The following TMEM217B variants were observed in gnomAD, a reference collection of about 807,000 sequenced individuals.
TMEM217B encodes transmembrane protein 217B.
At chr6:37,223,194 A>C in the TMEM217B span, among the ~76,000 whole-genome samples, 1 of 152,182 alleles carries the variant, frequency 6.6e-6, no homozygotes, top group African/African-American at 2.4e-5. Flanking sequence ...TGGGGGTAGC[A>C]TATTTACAGA....
chr6:37,227,749 T>C, the TMEM217B span, among the ~76,000 whole-genome samples: 2 of 151,914 alleles, frequency 1.3e-5, no homozygotes, highest in Non-Finnish European at 2.9e-5. Context: ...GCGCTCAGCC[T>C]AAATGTTTAT....
At chr6:37,252,633 A>ATTTT in the TMEM217B span, among the ~76,000 whole-genome samples, 6 of 75,258 alleles carry the variant, frequency 8.0e-5, no homozygotes, top group African/African-American at 2.8e-4. Context: ...ATATATATAT[A>ATTTT]TATATTTTTT....
At chr6:37,243,884 G>T in the TMEM217B span, among the ~76,000 whole-genome samples, 1 of 152,178 alleles carries the variant, frequency 6.6e-6, no homozygotes, top group African/African-American at 2.4e-5. Context: ...CTCTGGATGG[G>T]GGGGTGCACA....
chr6:37,228,235 A>G, the TMEM217B span, among the ~76,000 whole-genome samples: 1 of 152,320 alleles, frequency 6.6e-6, no homozygotes. Flanking sequence ...ATTTCAAAAA[A>G]GAAAAAAAAG....
chr6:37,215,669 G>A, the TMEM217B span, among the ~76,000 whole-genome samples: 6 of 151,068 alleles, frequency 4.0e-5, no homozygotes, highest in Non-Finnish European at 5.9e-5. Flanking sequence ...GCTCAGTGTT[G>A]TCAAGATGTA....
At chr6:37,241,290 C>T in the TMEM217B span, among the ~76,000 whole-genome samples, 1 of 151,396 alleles carries the variant, frequency 6.6e-6, no homozygotes, top group East Asian at 1.9e-4. Context: ...GTTGCCCAGG[C>T]TAAAGGTGTT....
the TMEM217B span, among the ~76,000 whole-genome samples, chr6:37,250,950 G>A: frequency 6.6e-6 from 1 of 152,296 alleles, no homozygotes; most frequent in East Asian, 1.9e-4. Flanking sequence ...GGTATTACGC[G>A]GTAAGGTATT....
the TMEM217B span, among the ~76,000 whole-genome samples, chr6:37,240,177 C>A: frequency 1.3e-5 from 2 of 152,218 alleles, no homozygotes; most frequent in East Asian, 1.9e-4. Context: ...AAACCTTAGA[C>A]ACTTATGATA....
the TMEM217B span, among the ~76,000 whole-genome samples, chr6:37,223,434 A>G: frequency 6.6e-6 from 1 of 152,244 alleles, no homozygotes; most frequent in Non-Finnish European, 1.5e-5. Context: ...CCATGGAATA[A>G]TATTTTAATT....
chr6:37,219,727 A>G, the TMEM217B span, among the ~76,000 whole-genome samples: 3 of 151,826 alleles, frequency 2.0e-5, no homozygotes, highest in Non-Finnish European at 4.4e-5. Flanking sequence ...GCAAGACCCT[A>G]TATCCAAAAA....
chr6:37,246,893 A>G, the TMEM217B span, among the ~76,000 whole-genome samples: 182 of 105,754 alleles, frequency 1.7e-3, 1 homozygote, highest in African/African-American at 5.9e-3. Context: ...ACAGAGCAAG[A>G]CTCTGTCTCA....
the TMEM217B span, among the ~76,000 whole-genome samples, chr6:37,223,184 T>A: frequency 1.7e-4 from 25 of 150,630 alleles, no homozygotes; most frequent in South Asian, 2.3e-3. Context: ...TGAGACAAAA[T>A]GGGGGTAGCA....
chr6:37,238,398 GTTAGC>G, the TMEM217B span, among the ~76,000 whole-genome samples: 1 of 152,172 alleles, frequency 6.6e-6, no homozygotes, highest in Non-Finnish European at 1.5e-5. Context: ...AGCAGACACC[GTTAGC>G]TTCCTTCCCA....
the TMEM217B span, chr6:37,218,502 T>C: frequency 6.2e-7 from 1 of 1,614,148 alleles, no homozygotes; most frequent in Non-Finnish European, 8.5e-7. Flanking sequence ...TTATTTCTGC[T>C]GTGGAGAATC....
chr6:37,218,246 T>A, the TMEM217B span: 1 of 1,309,504 alleles, frequency 7.6e-7, no homozygotes, highest in Non-Finnish European at 1.0e-6. Flanking sequence ...CTCGGCTCAC[T>A]GCAACCTCCA....
the TMEM217B span, among the ~76,000 whole-genome samples, chr6:37,214,906 C>T: frequency 2.0e-5 from 3 of 152,220 alleles, no homozygotes; most frequent in Admixed American, 6.5e-5. Context: ...CGAAACCTCA[C>T]CTCTGCTCGG....
At chr6:37,231,153 G>A in the TMEM217B span, among the ~76,000 whole-genome samples, 7 of 151,586 alleles carry the variant, frequency 4.6e-5, no homozygotes, top group Non-Finnish European at 1.0e-4. Flanking sequence ...TCCACCTCCC[G>A]GGTTCAAGCG....
chr6:37,223,160 T>C, the TMEM217B span, among the ~76,000 whole-genome samples: 7 of 151,552 alleles, frequency 4.6e-5, no homozygotes, highest in Non-Finnish European at 7.4e-5. Flanking sequence ...GATGTTCTGA[T>C]AGAGAAAGAG....
the TMEM217B span, among the ~76,000 whole-genome samples, chr6:37,232,104 G>C: frequency 6.6e-6 from 1 of 151,876 alleles, no homozygotes; most frequent in Non-Finnish European, 1.5e-5. Flanking sequence ...CTTTTGTTGG[G>C]GGGGAGAGAG....
Sources: gnomAD v4.1 joint callset for allele counts (sites outside exome capture counted in the v4.1 genomes callset) on GRCh38, gnomAD v4.1.1 for gene constraint, MANE v1.5 for transcripts, NCBI Gene and HGNC (gene_info 2026-07-23, HGNC 2026-07-21) for gene names.